PDXDC1: variants seen among roughly 807,000 people sequenced by gnomAD.
PDXDC1 encodes the protein pyridoxal dependent decarboxylase domain containing 1, also known as pyridoxal-dependent decarboxylase domain-containing protein 1.
Under a neutral mutation model 100.1 loss-of-function variants are expected in PDXDC1, and 42 were observed. That is an observed-to-expected ratio of 0.42 (90% CI 0.33 to 0.54). The LOEUF (loss-of-function observed/expected upper bound fraction) is 0.54, where lower values mean the gene tolerates loss of function less well. PDXDC1 is among the 20% of genes least tolerant of loss of function. The pLI, the probability that PDXDC1 is intolerant of heterozygous loss-of-function variation, is 0.10. For missense variants in PDXDC1, 636 were observed against 979.2 expected (o/e 0.65, Z 4.68); for synonymous variants, 260 against 371.7 (o/e 0.70, Z 3.46).
chr16:15,023,859 C>T (rs1470283200), intron 13 of PDXDC1, among the ~76,000 whole-genome samples: 1 of 152,284 alleles, frequency 6.6e-6, no homozygotes, highest in African/African-American at 2.4e-5. Context: ...CAGGGTGGCC[C>T]TGTGACATTG....
At chr16:15,000,605 G>T (rs535153173) in intron 3 of PDXDC1, among the ~76,000 whole-genome samples, 64 of 152,370 alleles carry the variant, frequency 4.2e-4, no homozygotes, top group African/African-American at 1.4e-3. Flanking sequence ...AAGTTGCCTT[G>T]CCATTGCTTG....
At chr16:14,991,982 C>T (rs190904403) in intron 1 of PDXDC1, among the ~76,000 whole-genome samples, 172 of 152,368 alleles carry the variant, frequency 1.1e-3, no homozygotes, top group Middle Eastern at 6.8e-3. Context: ...ACTTTAGACC[C>T]GTGGTCTAAA....
At chr16:15,145,209 C>T in the PDXDC1 span, among the ~76,000 whole-genome samples, 4 of 152,340 alleles carry the variant, frequency 2.6e-5, no homozygotes, top group African/African-American at 7.2e-5. Context: ...TGGCCATCTG[C>T]GCCCGGCTGT....
intron 16 of PDXDC1, among the ~76,000 whole-genome samples, chr16:15,104,959 T>G (rs1254031831): frequency 2.0e-5 from 3 of 152,052 alleles, no homozygotes; most frequent in South Asian, 4.2e-4. Context: ...GAAAAGTCAC[T>G]GGGACACACT....
downstream of PDXDC1, among the ~76,000 whole-genome samples, chr16:15,039,225 C>T (rs1222316317): frequency 1.3e-5 from 2 of 152,214 alleles, no homozygotes; most frequent in South Asian, 2.1e-4. Context: ...GTAACTGACA[C>T]TGAAATATGT....
chr16:15,146,802 A>G, the PDXDC1 span, among the ~76,000 whole-genome samples: 1 of 151,986 alleles, frequency 6.6e-6, no homozygotes, highest in African/African-American at 2.4e-5. Flanking sequence ...GGGAACCGAC[A>G]GAGCTACTTT....
intron 16 of PDXDC1, chr16:15,044,529 TC>T: frequency 1.4e-6 from 1 of 704,264 alleles, no homozygotes; most frequent in Non-Finnish European, 2.5e-6. Flanking sequence ...CTGCAGGTCA[TC>T]TTCGTGCCAC....
chr16:15,109,054 C>G (rs989775098), intron 16 of PDXDC1: 17 of 126,616 alleles, frequency 1.3e-4, no homozygotes, highest in African/African-American at 4.3e-4. Flanking sequence ...CTGACCATCC[C>G]CCAGAAGTAG....
intron 16 of PDXDC1, chr16:15,127,848 C>T (rs748916157): frequency 7.0e-5 from 110 of 1,566,260 alleles, no homozygotes; most frequent in Non-Finnish European, 2.4e-5. Flanking sequence ...AGAAGCCGCA[C>T]TGCAGCTCAG....
chr16:14,999,554 G>C (rs1337772134), intron 3 of PDXDC1, among the ~76,000 whole-genome samples: 4 of 152,242 alleles, frequency 2.6e-5, no homozygotes, highest in African/African-American at 7.2e-5. Flanking sequence ...TAAAATAAAA[G>C]TGATATACAA....
chr16:15,032,948 T>G lies in PDXDC1; in HGVS notation c.1659T>G (p.Asn553Lys). 2.5e-6 allele frequency: 4 copies of G among 1,607,424 alleles called. No individual in the cohort carries two copies. Among genetic ancestry groups the G allele is most frequent in the Non-Finnish European group, 3.4e-6 (4 of 1,173,776 alleles). The change falls in exon 18 of 23, where the codon AAT becomes AAG. Residue 553 changes from asparagine (N) to lysine (K), a missense_variant. Physicochemically the swap from Asn to Lys is moderately conservative, Grantham distance 94 (BLOSUM62 0). Coordinates refer to ENST00000396410, the MANE Select transcript of PDXDC1 (RefSeq NM_015027.4). ...NIHAGLLKKL[N>K]ELESDLTFKI... ...ATGCTGGACTCCTGAAGAAGTTAAA[T>G]GAACTGGAATCTGACCTAACCTTTA... is the stretch of plus-strand genomic sequence containing the variant.
intron 7 of PDXDC1, chr16:15,009,288 A>AGGG (rs2041057965): frequency 2.9e-6 from 1 of 343,290 alleles, no homozygotes; most frequent in Admixed American, 4.6e-5. Context: ...AGGAAAAGGA[A>AGGG]GGGATGGATT....
At chr16:15,129,628 G>A (rs1231173548) in intron 16 of PDXDC1, among the ~76,000 whole-genome samples, 1 of 152,204 alleles carries the variant, frequency 6.6e-6, no homozygotes, top group African/African-American at 2.4e-5. Context: ...GTCACTTGTG[G>A]GGCCACGCTA....
intron 7 of PDXDC1, chr16:15,009,311 AT>A (rs2041060734): frequency 3.0e-6 from 1 of 337,054 alleles, no homozygotes; most frequent in African/African-American, 2.1e-5. Context: ...AGAGTTTTTT[AT>A]TTCTTTTGTC....
At chr16:15,013,068 G>A (rs1163184175) in intron 8 of PDXDC1, among the ~76,000 whole-genome samples, 2 of 152,276 alleles carry the variant, frequency 1.3e-5, no homozygotes. Flanking sequence ...TACTTGGGAG[G>A]CCGAGGCAGG....
At chr16:15,136,450 C>T in intron 16 of PDXDC1, 2 of 606,030 alleles carry the variant, frequency 3.3e-6, no homozygotes, top group Non-Finnish European at 5.9e-6. Flanking sequence ...GCCACCTGCT[C>T]ACCAGGGCCG....
downstream of PDXDC1, among the ~76,000 whole-genome samples, chr16:15,139,781 G>C (rs557583596): frequency 1.4e-3 from 210 of 151,976 alleles, no homozygotes; most frequent in African/African-American, 4.6e-3. Flanking sequence ...ACCCGGTCTC[G>C]AAAGAAAAGA....
intron 18 of PDXDC1, 137 bp from the exon 19 acceptor site, chr16:15,033,141 G>A: frequency 9.3e-7 from 1 of 1,076,102 alleles, no homozygotes; most frequent in Non-Finnish European, 1.4e-6. Flanking sequence ...GCCTTGCCAG[G>A]CCTTTCTCTC....
chr16:15,041,970 T>C (rs1378575160), downstream of PDXDC1, among the ~76,000 whole-genome samples: 1 of 152,204 alleles, frequency 6.6e-6, no homozygotes, highest in African/African-American at 2.4e-5. Flanking sequence ...CCCATGGATT[T>C]ATAAGATTTT....
Sources: allele counts gnomAD v4.1 joint callset (sites outside exome capture counted in the v4.1 genomes callset), GRCh38; gene constraint gnomAD v4.1.1; transcripts MANE v1.5; gene names NCBI Gene and HGNC (gene_info 2026-07-23, HGNC 2026-07-21).